The following PPP1R12B variants were observed in gnomAD, a reference collection of about 807,000 sequenced individuals.
The protein encoded by PPP1R12B is myosin phosphatase target subunit 2.
A neutral mutation model predicts 126.1 loss-of-function variants in PPP1R12B; 76 were observed. That is an observed-to-expected ratio of 0.60 (90% CI 0.50 to 0.73). PPP1R12B has a LOEUF of 0.73. Among genes scored for constraint, PPP1R12B ranks in the 30% least tolerant of loss-of-function variants. PPP1R12B has a pLI of 0.00. For synonymous variants in PPP1R12B, 356 were observed against 434.7 expected, an observed-to-expected ratio of 0.82 and a Z score of 2.25; for missense variants, 1,052 against 1,205.1, an observed-to-expected ratio of 0.87 and a Z score of 1.88.
chr1:202,463,378 G>T (rs1421364238), intron 13 of PPP1R12B, among the ~76,000 whole-genome samples: 2 of 152,178 alleles, frequency 1.3e-5, no homozygotes, highest in Admixed American at 6.5e-5. Context: ...TTTTAAAGAA[G>T]AAACTGGAAT....
intron 1 of PPP1R12B, among the ~76,000 whole-genome samples, chr1:202,412,025 A>G (rs1157430012): frequency 6.6e-6 from 1 of 152,202 alleles, no homozygotes; most frequent in Admixed American, 6.5e-5. Context: ...AATGATTTAG[A>G]CAGTTGGCCT....
chr1:202,537,459 C>T (rs1572431169), intron 18 of PPP1R12B, among the ~76,000 whole-genome samples: 1 of 152,048 alleles, frequency 6.6e-6, no homozygotes, highest in South Asian at 2.1e-4. Context: ...ACAGAAACAT[C>T]GGTTATGCAG....
intron 18 of PPP1R12B, among the ~76,000 whole-genome samples, chr1:202,557,802 T>C: frequency 6.6e-6 from 1 of 152,220 alleles, no homozygotes; most frequent in East Asian, 1.9e-4. Context: ...TGAGGAAATG[T>C]CATCGTTTAT....
At chr1:202,444,913 T>C (rs1297056965) in intron 12 of PPP1R12B, 14 of 696,966 alleles carry the variant, frequency 2.0e-5, no homozygotes, top group Non-Finnish European at 2.6e-5. Flanking sequence ...GTTGATCACT[T>C]CACTTCCCAG....
chr1:202,452,377 G>A (rs568072739), intron 13 of PPP1R12B, among the ~76,000 whole-genome samples: 99 of 152,274 alleles, frequency 6.5e-4, no homozygotes, highest in South Asian at 1.0e-3. Context: ...GCGAAACCCC[G>A]TCTCCACCAA....
intron 13 of PPP1R12B, among the ~76,000 whole-genome samples, chr1:202,452,023 A>G (rs1423590619): frequency 1.3e-5 from 2 of 150,906 alleles, no homozygotes; most frequent in East Asian, 3.9e-4. Context: ...CTCACCTACC[A>G]GATGGGGTCG....
intron 1 of PPP1R12B, among the ~76,000 whole-genome samples, chr1:202,383,632 A>C (rs567486777): frequency 6.6e-6 from 1 of 152,192 alleles, no homozygotes; most frequent in East Asian, 1.9e-4. Flanking sequence ...GCTGAGGCAC[A>C]AGGATTGCTT....
At chr1:202,510,332 A>G (rs538670455) in intron 18 of PPP1R12B, among the ~76,000 whole-genome samples, 1 of 152,294 alleles carries the variant, frequency 6.6e-6, no homozygotes, top group Non-Finnish European at 1.5e-5. Context: ...TTTGTTTACA[A>G]TGTAGGTTTT....
intron 15 of PPP1R12B, among the ~76,000 whole-genome samples, chr1:202,494,981 A>G (rs554820455): frequency 6.6e-6 from 1 of 152,230 alleles, no homozygotes; most frequent in South Asian, 2.1e-4. Context: ...TTCCAAGATC[A>G]AAGGAATTTT....
intron 1 of PPP1R12B, among the ~76,000 whole-genome samples, chr1:202,359,515 C>T (rs1034982816): frequency 6.6e-6 from 1 of 151,992 alleles, no homozygotes; most frequent in African/African-American, 2.4e-5. Flanking sequence ...GGCGTGGTGG[C>T]TCATGCCTAT....
intron 18 of PPP1R12B, among the ~76,000 whole-genome samples, chr1:202,515,865 G>A (rs1302970338): frequency 6.6e-6 from 1 of 152,126 alleles, no homozygotes; most frequent in Non-Finnish European, 1.5e-5. Flanking sequence ...TCGTAGTGTT[G>A]GTATATCCGA....
intron 18 of PPP1R12B, among the ~76,000 whole-genome samples, chr1:202,554,207 G>A (rs1363293309): frequency 2.0e-5 from 3 of 152,082 alleles, no homozygotes; most frequent in Non-Finnish European, 2.9e-5. Context: ...TAGTTAGGAA[G>A]TATGATCTAA....
At chr1:202,366,418 C>G (rs1659240038) in intron 1 of PPP1R12B, among the ~76,000 whole-genome samples, 2 of 148,268 alleles carry the variant, frequency 1.3e-5, no homozygotes, top group African/African-American at 5.0e-5. Context: ...ACTCGGGAGG[C>G]TGAGGCAGGA....
At chr1:202,423,287 C>T (rs555504370) in intron 3 of PPP1R12B, among the ~76,000 whole-genome samples, 1 of 151,984 alleles carries the variant, frequency 6.6e-6, no homozygotes, top group Non-Finnish European at 1.5e-5. Flanking sequence ...ATTTTTCAAC[C>T]TGGAAGTCCC....
At chr1:202,572,579 A>G (rs1025429402) in intron 23 of PPP1R12B, among the ~76,000 whole-genome samples, 1 of 152,164 alleles carries the variant, frequency 6.6e-6, no homozygotes, top group Non-Finnish European at 1.5e-5. Flanking sequence ...TTATATGCCA[A>G]CTTCTGACAG....
At chr1:202,556,716 G>A (rs934774613) in intron 18 of PPP1R12B, among the ~76,000 whole-genome samples, 10 of 152,148 alleles carry the variant, frequency 6.6e-5, no homozygotes, top group African/African-American at 2.4e-4. Flanking sequence ...TATGTTCACA[G>A]TGCTCTCCTG....
At chr1:202,433,371 C>A (rs1670416455) in intron 8 of PPP1R12B, among the ~76,000 whole-genome samples, 1 of 152,112 alleles carries the variant, frequency 6.6e-6, no homozygotes, top group South Asian at 2.1e-4. Flanking sequence ...TCTCTGTAGC[C>A]AGGTCTTCAC....
intron 18 of PPP1R12B, among the ~76,000 whole-genome samples, chr1:202,531,652 T>G (rs1010067272): frequency 1.3e-5 from 2 of 152,206 alleles, no homozygotes; most frequent in Admixed American, 6.5e-5. Flanking sequence ...TCTTAAACTA[T>G]ACTTCTTAAC....
chr1:202,409,326 C>T (rs1414629433), intron 1 of PPP1R12B, among the ~76,000 whole-genome samples: 1 of 144,966 alleles, frequency 6.9e-6, no homozygotes, highest in African/African-American at 2.5e-5. Context: ...CTTGCCAACA[C>T]TTTTTTTTTT....
Sources: gnomAD v4.1 joint callset for allele counts (sites outside exome capture counted in the v4.1 genomes callset) on GRCh38, gnomAD v4.1.1 for gene constraint, MANE v1.5 for transcripts, NCBI Gene and HGNC (gene_info 2026-07-23, HGNC 2026-07-21) for gene names.